ZNF704: variants seen among roughly 807,000 people sequenced by gnomAD.
ZNF704 encodes the protein zinc finger protein 704.
A neutral mutation model predicts 44.7 loss-of-function variants in ZNF704; 10 were observed. The ratio of observed to expected loss-of-function variants is 0.22; its 90% CI spans 0.14 to 0.38. ZNF704 has a LOEUF of 0.38. Among genes scored for constraint, ZNF704 ranks in the 10% least tolerant of loss-of-function variants. The pLI, the probability that ZNF704 is intolerant of heterozygous loss-of-function variation, is 1.00. For missense variants in ZNF704, 390 were observed against 545.5 expected (o/e 0.71, Z 2.84); for synonymous variants, 211 against 207.6 (o/e 1.02, Z -0.14).
chr8:80,751,897 C>T (rs950250663), intron 2 of ZNF704, among the ~76,000 whole-genome samples: 3 of 152,134 alleles, frequency 2.0e-5, no homozygotes, highest in Non-Finnish European at 2.9e-5. Flanking sequence ...CCCACCACCA[C>T]GCCCAGCTAA....
At chr8:80,801,710 G>T (rs1412541050) in intron 2 of ZNF704, among the ~76,000 whole-genome samples, 1 of 152,084 alleles carries the variant, frequency 6.6e-6, no homozygotes, top group African/African-American at 2.4e-5. Context: ...ACATCAAAAA[G>T]CTAGAAAGGT....
At chr8:80,742,920 G>C (rs967056853) in intron 2 of ZNF704, among the ~76,000 whole-genome samples, 1 of 152,042 alleles carries the variant, frequency 6.6e-6, no homozygotes, top group African/African-American at 2.4e-5. Context: ...AAGCCTAGCT[G>C]GGAAGGTGAC....
intron 2 of ZNF704, among the ~76,000 whole-genome samples, chr8:80,791,063 C>A (rs1401400348): frequency 1.3e-5 from 2 of 152,030 alleles, no homozygotes; most frequent in Non-Finnish European, 2.9e-5. Context: ...GCAAATCCTG[C>A]TGAATTGATG....
intron 1 of ZNF704, among the ~76,000 whole-genome samples, chr8:80,844,824 T>C (rs1808741754): frequency 6.6e-6 from 1 of 150,598 alleles, no homozygotes; most frequent in Non-Finnish European, 1.5e-5. Flanking sequence ...TTTTTTTTCT[T>C]CTCTTTTTAT....
At chr8:80,807,677 A>ATATG (rs58387919) in intron 2 of ZNF704, among the ~76,000 whole-genome samples, 33,426 of 151,906 alleles carry the variant, frequency 0.22, 5,269 homozygotes, top group African/African-American at 0.45. Context: ...ATGTAAATGT[A>ATATG]TATATTTATA....
chr8:80,700,573 T>C (rs1415859044), intron 2 of ZNF704, among the ~76,000 whole-genome samples: 1 of 152,228 alleles, frequency 6.6e-6, no homozygotes, highest in African/African-American at 2.4e-5. Context: ...GTTAAAAACC[T>C]GAGTTCTACC....
At chr8:80,795,022 G>A (rs1807774228) in intron 2 of ZNF704, among the ~76,000 whole-genome samples, 2 of 152,202 alleles carry the variant, frequency 1.3e-5, no homozygotes, top group Admixed American at 1.3e-4. Flanking sequence ...GAGCAAGTGT[G>A]TGTTCAAACC....
chr8:80,719,071 A>G (rs568434674), intron 2 of ZNF704, among the ~76,000 whole-genome samples: 105 of 152,070 alleles, frequency 6.9e-4, no homozygotes, highest in African/African-American at 2.4e-3. Flanking sequence ...GGCTCGATCA[A>G]TTCTCCACCT....
At position 80,636,087 on chromosome 8, in the gene ZNF704, G is replaced by C. The variant is rs1358816795; in HGVS notation, c.*5279C>G. 1 of 152,188 alleles carries C rather than the reference G, an allele frequency of 6.6e-6. No homozygotes were observed. The highest frequency in any genetic ancestry group is 2.4e-5 in the African/African-American group (1 of 41,428). The allele number at this position is 152,188 out of a possible 1,614,324, so 9.4% of individuals were successfully genotyped here. A position where few individuals can be genotyped will look rare whatever the true frequency, so the allele number is the denominator to read the frequency against. On this transcript the variant is annotated 3_prime_UTR_variant, in exon 9 of 9. Transcript: ENST00000327835. ...CTTGTAAAATATTTCCAGTTAACTT[G>C]AGAAGTAGAGTACTGACGCTTATTA...
intron 2 of ZNF704, among the ~76,000 whole-genome samples, chr8:80,791,767 G>GGAA (rs1807712700): frequency 6.6e-6 from 1 of 152,192 alleles, no homozygotes; most frequent in Admixed American, 6.5e-5. Context: ...AGCAAGGAGG[G>GGAA]GAAGCTCATT....
At chr8:80,695,253 G>A (rs528370197) in intron 2 of ZNF704, among the ~76,000 whole-genome samples, 5 of 152,312 alleles carry the variant, frequency 3.3e-5, no homozygotes, top group African/African-American at 1.2e-4. Context: ...AATCTACCTT[G>A]GGGCTCCTCC....
chr8:80,875,454 T>C (rs1244621563), upstream of ZNF704, among the ~76,000 whole-genome samples: 1 of 151,990 alleles, frequency 6.6e-6, no homozygotes, highest in African/African-American at 2.4e-5. Context: ...AAAGGCGCGC[T>C]CCACCATGCC....
intron 4 of ZNF704, among the ~76,000 whole-genome samples, chr8:80,685,143 TAATAAAAA>T (rs113881016): frequency 0.11 from 16,353 of 151,124 alleles, 2,964 homozygotes; most frequent in African/African-American, 0.38. Context: ...TAAATATATA[TAATAAAAA>T]AATAAAAAAA....
At chr8:80,792,287 G>A (rs965301048) in intron 2 of ZNF704, among the ~76,000 whole-genome samples, 13 of 152,130 alleles carry the variant, frequency 8.5e-5, no homozygotes, top group Non-Finnish European at 1.5e-4. Flanking sequence ...AACAACTTCT[G>A]GCAAAAGACA....
chr8:80,815,608 G>A (rs79707834), intron 2 of ZNF704, among the ~76,000 whole-genome samples: 1 of 152,194 alleles, frequency 6.6e-6, no homozygotes, highest in East Asian at 1.9e-4. Context: ...ATAAGTTAAT[G>A]GTCTCCAATA....
chr8:80,831,922 T>C (rs1808478202), intron 1 of ZNF704, among the ~76,000 whole-genome samples: 1 of 152,244 alleles, frequency 6.6e-6, no homozygotes, highest in Non-Finnish European at 1.5e-5. Flanking sequence ...CTATAACTTC[T>C]ATTGCTCATC....
chr8:80,779,940 T>C (rs528799143), intron 2 of ZNF704, among the ~76,000 whole-genome samples: 4 of 151,550 alleles, frequency 2.6e-5, no homozygotes, highest in African/African-American at 9.7e-5. Context: ...TAATATACCA[T>C]GTGAGGTGCC....
chr8:80,688,986 C>T (rs1310568266), intron 3 of ZNF704, among the ~76,000 whole-genome samples: 1 of 147,950 alleles, frequency 6.8e-6, no homozygotes, highest in Admixed American at 6.7e-5. Flanking sequence ...AAAAAGTCTT[C>T]TGGGTGCTCT....
chr8:80,689,405 C>T (rs1563519760), intron 3 of ZNF704, among the ~76,000 whole-genome samples: 1 of 152,192 alleles, frequency 6.6e-6, no homozygotes, highest in Non-Finnish European at 1.5e-5. Context: ...CAGTCTCATG[C>T]TTTGCCAGCA....
Sources: gnomAD v4.1 joint callset for allele counts (sites outside exome capture counted in the v4.1 genomes callset) on GRCh38, gnomAD v4.1.1 for gene constraint, MANE v1.5 for transcripts, NCBI Gene and HGNC (gene_info 2026-07-23, HGNC 2026-07-21) for gene names.